RAD51B: variants seen among roughly 807,000 people sequenced by gnomAD.
RAD51B encodes the protein RAD51 paralog B.
Under a neutral mutation model 42.2 loss-of-function variants are expected in RAD51B, and 38 were observed. That is an observed-to-expected ratio of 0.90 (90% CI 0.70 to 1.18). The LOEUF is 1.18. Among genes scored for constraint, RAD51B ranks in the 50% most tolerant of loss-of-function variants. The pLI is 0.00. For synonymous variants in RAD51B, 154 were observed against 145.2 expected (o/e 1.06, Z -0.43); for missense variants, 373 against 400.7 (o/e 0.93, Z 0.59).
At chr14:68,516,511 C>T (rs1472946379) in intron 10 of RAD51B, among the ~76,000 whole-genome samples, 1 of 152,086 alleles carries the variant, frequency 6.6e-6, no homozygotes, top group Non-Finnish European at 1.5e-5. Context: ...CCCAGCCTCA[C>T]GTAGTTATTT....
At chr14:68,587,287 C>T (rs1413054661) in intron 10 of RAD51B, among the ~76,000 whole-genome samples, 1 of 152,174 alleles carries the variant, frequency 6.6e-6, no homozygotes, top group Non-Finnish European at 1.5e-5. Context: ...CAGCCTCTCC[C>T]AGCCCCTCCT....
intron 8 of RAD51B, among the ~76,000 whole-genome samples, chr14:68,405,729 G>A (rs539373783): frequency 4.6e-5 from 7 of 150,916 alleles, no homozygotes; most frequent in Admixed American, 6.6e-5. Flanking sequence ...TTAGCGACGC[G>A]GAGTCCTTTA....
At chr14:68,103,067 C>T (rs969940827) in intron 7 of RAD51B, among the ~76,000 whole-genome samples, 1 of 152,054 alleles carries the variant, frequency 6.6e-6, no homozygotes, top group Non-Finnish European at 1.5e-5. Flanking sequence ...GTAACCACCC[C>T]CATGATGCAG....
At chr14:68,489,699 G>T (rs955843630) in intron 10 of RAD51B, among the ~76,000 whole-genome samples, 1 of 152,174 alleles carries the variant, frequency 6.6e-6, no homozygotes, top group Non-Finnish European at 1.5e-5. Flanking sequence ...CCCAGTGCAG[G>T]GCTGGGACTC....
rs146973480 is a variant in RAD51B at position 68,434,766 on chromosome 14, G to A, written c.957+23239G>A. 2.2e-3 allele frequency among the ~76,000 whole-genome samples: 336 copies of A among 152,294 alleles called. 1 individual carries two copies. In the East Asian group the frequency reaches 0.033, roughly 15 times the overall value. Reference sequence around the variant, plus strand: ...ACCCACTGTCCTGCACCCACTGTCTGACAAGCCCCGGTGAGATGAACCCGG... The same window carrying A: ...ACCCACTGTCCTGCACCCACTGTCTAACAAGCCCCGGTGAGATGAACCCGG... On this transcript the variant is annotated intron_variant, in intron 9 of 10. Coordinates refer to ENST00000471583, the MANE Select transcript of RAD51B (RefSeq NM_133510.4).
intron 7 of RAD51B, among the ~76,000 whole-genome samples, chr14:67,945,134 C>G (rs1254660682): frequency 2.0e-5 from 3 of 152,148 alleles, no homozygotes; most frequent in African/African-American, 7.2e-5. Context: ...GAAAATCTGG[C>G]TATACTATAA....
intron 7 of RAD51B, among the ~76,000 whole-genome samples, chr14:68,254,803 T>TA (rs2080717347): frequency 6.6e-6 from 1 of 152,222 alleles, no homozygotes; most frequent in Admixed American, 6.5e-5. Context: ...GGATCCATGA[T>TA]AAACACTGTG....
chr14:68,215,409 G>A (rs974081161), intron 7 of RAD51B, among the ~76,000 whole-genome samples: 1 of 152,212 alleles, frequency 6.6e-6, no homozygotes, highest in Non-Finnish European at 1.5e-5. Flanking sequence ...TAAGGAGAAT[G>A]GAACTCAGAG....
At chr14:68,425,970 T>TTCTTTCTTTCTTTCTTTCTTTC (rs1251969574) in intron 9 of RAD51B, among the ~76,000 whole-genome samples, 12 of 122,074 alleles carry the variant, frequency 9.8e-5, no homozygotes, top group Admixed American at 1.8e-4. Context: ...CTTTCTTTCT[T>TTCTTTCTTTCTTTCTTTCTTTC]TCTTTCTTCC....
intron 7 of RAD51B, among the ~76,000 whole-genome samples, chr14:68,053,238 A>G (rs1467621659): frequency 6.6e-6 from 1 of 152,174 alleles, no homozygotes. Flanking sequence ...ATTAAAGGCT[A>G]TTTTTCCATA....
At chr14:68,318,567 T>C (rs567524388) in intron 8 of RAD51B, among the ~76,000 whole-genome samples, 32 of 152,322 alleles carry the variant, frequency 2.1e-4, no homozygotes, top group African/African-American at 7.2e-4. Context: ...CAGTTGTTTT[T>C]GATATTACTA....
chr14:68,363,415 T>C (rs1216965609), intron 8 of RAD51B, among the ~76,000 whole-genome samples: 3 of 152,232 alleles, frequency 2.0e-5, no homozygotes, highest in Non-Finnish European at 4.4e-5. Context: ...AACTGTATGA[T>C]ATATCTGTTA....
At chr14:68,388,092 A>AT (rs1192424963) in intron 8 of RAD51B, among the ~76,000 whole-genome samples, 8 of 135,516 alleles carry the variant, frequency 5.9e-5, no homozygotes, top group South Asian at 2.2e-4. Flanking sequence ...ATATATATAT[A>AT]TATTTTTTTT....
At chr14:68,465,992 A>AAATAAATAAATAAATT in intron 9 of RAD51B, among the ~76,000 whole-genome samples, 1 of 149,640 alleles carries the variant, frequency 6.7e-6, no homozygotes, top group African/African-American at 2.5e-5. Context: ...ATAAATAAAT[A>AAATAAATAAATAAATT]AATTCACATT....
At chr14:68,313,792 C>G (rs1219010211) in intron 8 of RAD51B, among the ~76,000 whole-genome samples, 1 of 152,142 alleles carries the variant, frequency 6.6e-6, no homozygotes, top group Non-Finnish European at 1.5e-5. Context: ...GGGCATTGGT[C>G]TTGAGTGATA....
At chr14:68,639,962 CA>C (rs1892422622) in intron 10 of RAD51B, among the ~76,000 whole-genome samples, 1 of 151,964 alleles carries the variant, frequency 6.6e-6, no homozygotes, top group Non-Finnish European at 1.5e-5. Flanking sequence ...CCACCACACC[CA>C]GCTAATTTTT....
chr14:68,253,050 T>C, intron 7 of RAD51B, among the ~76,000 whole-genome samples: 1 of 150,348 alleles, frequency 6.7e-6, no homozygotes, highest in East Asian at 1.9e-4. Flanking sequence ...GCCATTGCAC[T>C]CTAGCCTGGG....
chr14:67,974,927 TCTA>T (rs779284853), intron 7 of RAD51B, among the ~76,000 whole-genome samples: 25 of 152,222 alleles, frequency 1.6e-4, no homozygotes, highest in Non-Finnish European at 3.7e-4. Context: ...TGACTACTAA[TCTA>T]CTATTTATTT....
Position 68,395,014 on chromosome 14 carries a change from T to G in RAD51B, c.854-16410T>G, listed in dbSNP as rs372089108. 5.3e-5 allele frequency among the ~76,000 whole-genome samples: 8 copies of G among 152,206 alleles called. No individual in the cohort carries two copies. In the East Asian group the frequency reaches 7.7e-4, roughly 15 times the overall value. On this transcript the variant is annotated intron_variant, in intron 8 of 10. Coordinates refer to ENST00000471583, the MANE Select transcript of RAD51B (RefSeq NM_133510.4). Reference sequence around the variant, plus strand: ...GCCTCGGCTCCCCGCACCAGAACATTCAGGCATCAATGGGAAACAGCAAGA... The same window carrying G: ...GCCTCGGCTCCCCGCACCAGAACATGCAGGCATCAATGGGAAACAGCAAGA...
Sources: gnomAD v4.1 joint callset for allele counts (sites outside exome capture counted in the v4.1 genomes callset) on GRCh38, gnomAD v4.1.1 for gene constraint, MANE v1.5 for transcripts, NCBI Gene and HGNC (gene_info 2026-07-23, HGNC 2026-07-21) for gene names.